Variants in CSGALNACT1 observed in about 807,000 individuals in gnomAD.
CSGALNACT1 encodes chondroitin sulfate N-acetylgalactosaminyltransferase 1.
CSGALNACT1 carries 52 observed loss-of-function variants against 51.0 expected under a neutral mutation model. The ratio of observed to expected loss-of-function variants is 1.02; its 90% CI spans 0.82 to 1.29. CSGALNACT1 has a LOEUF of 1.29. CSGALNACT1 is among the 50% of genes most tolerant of loss of function. CSGALNACT1 has a pLI of 0.00. For missense variants in CSGALNACT1, 935 were observed against 679.2 expected (o/e 1.38, Z -4.19); for synonymous variants, 341 against 254.4 (o/e 1.34, Z -3.24).
chr8:19,464,938 T>C (rs2153832678), intron 4 of CSGALNACT1, among the ~76,000 whole-genome samples: 1 of 152,292 alleles, frequency 6.6e-6, no homozygotes, highest in Admixed American at 6.5e-5. Context: ...TGGTACTTCC[T>C]CACAAAGTTA....
intron 3 of CSGALNACT1, among the ~76,000 whole-genome samples, chr8:19,522,737 ACCT>A (rs969001667): frequency 2.6e-4 from 40 of 152,160 alleles, no homozygotes; most frequent in African/African-American, 9.7e-4. Context: ...AAATCTCAAA[ACCT>A]CCTAAGTTAT....
At chr8:19,554,437 G>C (rs775406649) in intron 3 of CSGALNACT1, among the ~76,000 whole-genome samples, 5 of 123,986 alleles carry the variant, frequency 4.0e-5, no homozygotes, top group Middle Eastern at 4.1e-3. Flanking sequence ...CTAAGTCAGG[G>C]ACCAAGTGAT....
At chr8:19,561,268 C>T (rs181402518) in intron 3 of CSGALNACT1, among the ~76,000 whole-genome samples, 37 of 152,228 alleles carry the variant, frequency 2.4e-4, no homozygotes, top group South Asian at 1.5e-3. Context: ...ATTCATTAAC[C>T]TCTACATTTA....
intron 5 of CSGALNACT1, 110 bp from the exon 5 acceptor site, chr8:19,440,041 A>G: frequency 1.2e-6 from 1 of 861,672 alleles, no homozygotes; most frequent in Admixed American, 1.9e-5. Context: ...AAACTAGGTA[A>G]ACTTCCAGGA....
chr8:19,495,436 T>A (rs934373573), intron 4 of CSGALNACT1, among the ~76,000 whole-genome samples: 3 of 152,136 alleles, frequency 2.0e-5, no homozygotes, highest in Non-Finnish European at 4.4e-5. Context: ...AGTATGGCAT[T>A]TATAGGGCTG....
At chr8:19,413,423 C>G (rs181753919) in intron 8 of CSGALNACT1, among the ~76,000 whole-genome samples, 3 of 152,270 alleles carry the variant, frequency 2.0e-5, no homozygotes, top group Non-Finnish European at 2.9e-5. Flanking sequence ...AGCACCTCTT[C>G]CCCTTATTGA....
chr8:19,536,484 C>G (rs928941183), intron 3 of CSGALNACT1, among the ~76,000 whole-genome samples: 1 of 152,010 alleles, frequency 6.6e-6, no homozygotes, highest in Non-Finnish European at 1.5e-5. Context: ...GCCTTATGTG[C>G]TGAAAACTAC....
intron 3 of CSGALNACT1, among the ~76,000 whole-genome samples, chr8:19,574,536 T>C (rs898823522): frequency 6.6e-6 from 1 of 152,094 alleles, no homozygotes; most frequent in African/African-American, 2.4e-5. Context: ...GCAGAGCAGG[T>C]GGACAGTAAC....
chr8:19,507,834 G>A (rs186230261), intron 3 of CSGALNACT1, among the ~76,000 whole-genome samples: 280 of 152,256 alleles, frequency 1.8e-3, no homozygotes, highest in African/African-American at 5.9e-3. Flanking sequence ...TCACCATGTT[G>A]GCCAGGATGG....
At chr8:19,504,850 T>C (rs1033281113) in intron 4 of CSGALNACT1, among the ~76,000 whole-genome samples, 1 of 152,250 alleles carries the variant, frequency 6.6e-6, no homozygotes, top group African/African-American at 2.4e-5. Flanking sequence ...ATTCTGTTCA[T>C]GAGCTTGCTA....
intron 3 of CSGALNACT1, among the ~76,000 whole-genome samples, chr8:19,518,064 C>G (rs1402471161): frequency 2.0e-5 from 3 of 152,132 alleles, no homozygotes; most frequent in Admixed American, 1.3e-4. Context: ...CACACAGCTT[C>G]TAGAGAAATG....
At chr8:19,543,421 T>A (rs533766700) in intron 3 of CSGALNACT1, among the ~76,000 whole-genome samples, 1 of 152,356 alleles carries the variant, frequency 6.6e-6, no homozygotes, top group South Asian at 2.1e-4. Flanking sequence ...TATACGTATG[T>A]GAAGAGTTCT....
At chr8:19,555,828 T>C (rs2089581899) in intron 3 of CSGALNACT1, among the ~76,000 whole-genome samples, 1 of 152,170 alleles carries the variant, frequency 6.6e-6, no homozygotes, top group Non-Finnish European at 1.5e-5. Flanking sequence ...TTCAGCCTGG[T>C]ATGTGAGTGA....
chr8:19,461,552 G>T (rs866327060), intron 4 of CSGALNACT1, among the ~76,000 whole-genome samples: 11 of 139,356 alleles, frequency 7.9e-5, no homozygotes, highest in South Asian at 2.3e-4. Flanking sequence ...TCACCATGGG[G>T]GGCGTATCCG....
chr8:19,723,355 G>A (rs1459516036), intron 1 of CSGALNACT1, among the ~76,000 whole-genome samples: 6 of 152,196 alleles, frequency 3.9e-5, no homozygotes, highest in Non-Finnish European at 8.8e-5. Context: ...ACATCTTGAG[G>A]TGCGGATTCT....
intron 4 of CSGALNACT1, among the ~76,000 whole-genome samples, chr8:19,493,083 A>G (rs145522928): frequency 6.6e-6 from 1 of 151,722 alleles, no homozygotes; most frequent in African/African-American, 2.4e-5. Flanking sequence ...ATCTGTAAAT[A>G]TGTTTGCAAC....
intron 5 of CSGALNACT1, among the ~76,000 whole-genome samples, chr8:19,453,712 G>C (rs1416465404): frequency 6.6e-6 from 1 of 152,176 alleles, no homozygotes; most frequent in Admixed American, 6.5e-5. Context: ...AGGAGTTCAA[G>C]ACCAGCCTGG....
chr8:19,742,297 C>A (rs1746384802), intron 1 of CSGALNACT1, among the ~76,000 whole-genome samples: 1 of 152,162 alleles, frequency 6.6e-6, no homozygotes, highest in African/African-American at 2.4e-5. Context: ...GACTTCAGAC[C>A]CAATGTGCCA....
intron 3 of CSGALNACT1, among the ~76,000 whole-genome samples, chr8:19,554,982 G>A (rs1314821455): frequency 6.6e-6 from 1 of 151,888 alleles, no homozygotes; most frequent in African/African-American, 2.4e-5. Flanking sequence ...GCTCATGCCT[G>A]TAATCCCAGC....
Sources: gnomAD v4.1 joint callset for allele counts (sites outside exome capture counted in the v4.1 genomes callset) on GRCh38, gnomAD v4.1.1 for gene constraint, MANE v1.5 for transcripts, NCBI Gene and HGNC (gene_info 2026-07-23, HGNC 2026-07-21) for gene names.